The following ZNF143 variants were observed in gnomAD, a reference collection of about 807,000 sequenced individuals.
ZNF143 encodes zinc finger protein 143.
Under a neutral mutation model 74.1 loss-of-function variants are expected in ZNF143, and 49 were observed. The observed-to-expected ratio is 0.66, with a 90% CI of 0.53 to 0.84. The LOEUF (loss-of-function observed/expected upper bound fraction) is 0.84. Ranked by LOEUF, ZNF143 falls within the 40% of genes least tolerant of loss-of-function variation. The pLI is 0.00. For missense variants in ZNF143, 637 were observed against 793.4 expected (o/e 0.80, Z 2.37); for synonymous variants, 304 against 282.8 (o/e 1.07, Z -0.75).
intron 7 of ZNF143, among the ~76,000 whole-genome samples, chr11:9,483,623 A>G (rs2133952906): frequency 6.7e-6 from 1 of 150,184 alleles, no homozygotes; most frequent in Admixed American, 6.6e-5. Flanking sequence ...TTATTTTTTG[A>G]GACTGAGTCT....
At chr11:9,474,972 C>T (rs193086629) in intron 5 of ZNF143, among the ~76,000 whole-genome samples, 1 of 152,182 alleles carries the variant, frequency 6.6e-6, no homozygotes, top group Non-Finnish European at 1.5e-5. Context: ...ACTGCAGCCT[C>T]AAACTCCTGG....
At chr11:9,479,759 C>T (rs2133924203) in intron 7 of ZNF143, among the ~76,000 whole-genome samples, 1 of 152,252 alleles carries the variant, frequency 6.6e-6, no homozygotes, top group African/African-American at 2.4e-5. Context: ...ATGGAAGTAT[C>T]ACAGAAATCC....
intron 7 of ZNF143, among the ~76,000 whole-genome samples, chr11:9,486,401 ATTATATATATAATATATATT>A (rs1565038999): frequency 6.8e-5 from 2 of 29,346 alleles, no homozygotes; most frequent in African/African-American, 2.7e-4. Flanking sequence ...TATATAATAT[ATTATATATATAATATATATT>A]ATATATATTA....
intron 7 of ZNF143, among the ~76,000 whole-genome samples, chr11:9,486,356 A>G (rs1486234824): frequency 1.3e-4 from 7 of 52,976 alleles, no homozygotes; most frequent in African/African-American, 5.5e-4. Context: ...TATATATTAT[A>G]TATATATTAT....
chr11:9,484,162 T>G (rs1261675726), intron 7 of ZNF143, among the ~76,000 whole-genome samples: 1 of 151,386 alleles, frequency 6.6e-6, no homozygotes, highest in Non-Finnish European at 1.5e-5. Context: ...TTAATTACCG[T>G]ATTTAAGGTT....
chr11:9,487,413 G>A lies in ZNF143; in HGVS notation c.646-7233G>A, dbSNP rs182077539. On this transcript the variant is annotated intron_variant, in intron 7 of 15. Transcript: ENST00000396602. ...CTCGCTCTATTGCCCAGGCTGGAGT[G>A]CAGGGGCATGATCTCAGCTCACTGC... is the stretch of plus-strand genomic sequence containing the variant. Among the ~76,000 whole-genome samples the A allele has an allele frequency of 2.0e-5, 3 of 151,708 alleles. No individual in the cohort carries two copies. In the East Asian group the frequency reaches 5.8e-4, roughly 29 times the overall value.
intron 3 of ZNF143, 136 bp from the exon 4 acceptor site, chr11:9,473,805 C>T: frequency 3.2e-6 from 5 of 1,572,016 alleles, no homozygotes; most frequent in Middle Eastern, 1.7e-4. Context: ...TGAATTGCCT[C>T]AGAACATTGA....
chr11:9,508,518 ATTCT>A (rs1848437535), intron 11 of ZNF143, 97 bp from the exon 12 acceptor site: 1 of 1,047,716 alleles, frequency 9.5e-7, no homozygotes, highest in Non-Finnish European at 1.4e-6. Flanking sequence ...GGGTTTGGCA[ATTCT>A]TTATTTTTAG....
At chr11:9,483,378 A>G (rs1261653839) in intron 7 of ZNF143, among the ~76,000 whole-genome samples, 3 of 131,930 alleles carry the variant, frequency 2.3e-5, no homozygotes, top group East Asian at 2.1e-4. Flanking sequence ...GCTCACTACA[A>G]CCTCCACCTG....
At chr11:9,504,673 C>CTTTTTTTT (rs869310966) in intron 11 of ZNF143, among the ~76,000 whole-genome samples, 215 of 89,426 alleles carry the variant, frequency 2.4e-3, no homozygotes, top group African/African-American at 5.6e-3. Context: ...TTTCTTTTTT[C>CTTTTTTTT]TTTTTTTTTT....
At chr11:9,465,186 T>A (rs79292815) in intron 1 of ZNF143, among the ~76,000 whole-genome samples, 13 of 152,254 alleles carry the variant, frequency 8.5e-5, no homozygotes, top group Non-Finnish European at 1.5e-4. Context: ...CTATTTTTTT[T>A]ATTTATTTTA....
At chr11:9,516,751 G>A (rs1848738558) in intron 14 of ZNF143, among the ~76,000 whole-genome samples, 1 of 152,052 alleles carries the variant, frequency 6.6e-6, no homozygotes, top group African/African-American at 2.4e-5. Context: ...ATATATACAG[G>A]TATGTAATGA....
chr11:9,497,511 G>A (rs927403668), intron 9 of ZNF143, among the ~76,000 whole-genome samples, 164 bp from the exon 10 acceptor site: 4 of 152,194 alleles, frequency 2.6e-5, no homozygotes, highest in African/African-American at 7.2e-5. Flanking sequence ...GGGTACAGGC[G>A]TGAGCCACCG....
At chr11:9,506,643 A>C (rs2134139001) in intron 11 of ZNF143, among the ~76,000 whole-genome samples, 1 of 152,286 alleles carries the variant, frequency 6.6e-6, no homozygotes, top group South Asian at 2.1e-4. Context: ...TTTTGAGAAT[A>C]ATTGAAGTAG....
chr11:9,484,997 C>G (rs190821951), intron 7 of ZNF143, among the ~76,000 whole-genome samples: 1 of 149,404 alleles, frequency 6.7e-6, no homozygotes. Flanking sequence ...CAGGGTTTCA[C>G]TGTGTTAGCC....
intron 7 of ZNF143, among the ~76,000 whole-genome samples, chr11:9,483,033 G>A (rs1229052298): frequency 2.0e-5 from 3 of 150,718 alleles, no homozygotes; most frequent in African/African-American, 7.4e-5. Flanking sequence ...TTACTCTCTT[G>A]CCCAGGGTGG....
chr11:9,527,284 T>C (rs912945428), intron 15 of ZNF143, among the ~76,000 whole-genome samples: 1 of 152,196 alleles, frequency 6.6e-6, no homozygotes, highest in Admixed American at 6.5e-5. Flanking sequence ...GACCTCATCA[T>C]ATCACCAGGC....
intron 11 of ZNF143, among the ~76,000 whole-genome samples, chr11:9,506,769 G>T (rs1260458382): frequency 1.4e-4 from 22 of 152,196 alleles, no homozygotes; most frequent in Admixed American, 1.4e-3. Context: ...ATCCAGTAGA[G>T]TAAAGATTCA....
At chr11:9,493,525 T>C (rs1292335397) in intron 7 of ZNF143, among the ~76,000 whole-genome samples, 2 of 152,190 alleles carry the variant, frequency 1.3e-5, no homozygotes, top group Non-Finnish European at 2.9e-5. Context: ...TGTTTTTTAG[T>C]TGATTTATAT....
Sources: allele counts gnomAD v4.1 joint callset (sites outside exome capture counted in the v4.1 genomes callset), GRCh38; gene constraint gnomAD v4.1.1; transcripts MANE v1.5; gene names NCBI Gene and HGNC (gene_info 2026-07-23, HGNC 2026-07-21).